The following LRRC4C variants were observed in gnomAD, a reference collection of about 807,000 sequenced individuals.
LRRC4C encodes leucine-rich repeat-containing protein 4C.
LRRC4C carries 5 observed loss-of-function variants against 33.6 expected under a neutral mutation model. That is an observed-to-expected ratio of 0.15 (90% CI 0.08 to 0.31). The LOEUF is 0.31. Ranked by LOEUF, LRRC4C falls within the 10% of genes least tolerant of loss-of-function variation. The pLI is 1.00. For missense variants in LRRC4C, 560 were observed against 796.7 expected, an observed-to-expected ratio of 0.70 and a Z score of 3.58; for synonymous variants, 329 against 302.0, an observed-to-expected ratio of 1.09 and a Z score of -0.93.
At chr11:40,716,976 A>G (rs746748304) in intron 2 of LRRC4C, among the ~76,000 whole-genome samples, 1 of 152,162 alleles carries the variant, frequency 6.6e-6, no homozygotes, top group African/African-American at 2.4e-5. Flanking sequence ...CTGAGAAAGG[A>G]AACATCATGT....
At chr11:40,230,345 A>C (rs899207610) in intron 5 of LRRC4C, among the ~76,000 whole-genome samples, 2 of 152,242 alleles carry the variant, frequency 1.3e-5, no homozygotes, top group Non-Finnish European at 2.9e-5. Flanking sequence ...GCTGCCTAGC[A>C]ACTTGAAAAT....
intron 1 of LRRC4C, among the ~76,000 whole-genome samples, chr11:40,949,978 C>CA (rs1958619637): frequency 6.6e-6 from 1 of 152,106 alleles, no homozygotes; most frequent in East Asian, 1.9e-4. Context: ...ACCCATCTCA[C>CA]ATGCAGAGAC....
chr11:41,332,231 GAAT>G (rs1475830735), intron 1 of LRRC4C, among the ~76,000 whole-genome samples: 1 of 152,148 alleles, frequency 6.6e-6, no homozygotes, highest in Admixed American at 6.5e-5. Context: ...TAAGCTTGAT[GAAT>G]AATTTCAGCA....
intron 1 of LRRC4C, among the ~76,000 whole-genome samples, chr11:40,950,178 G>A (rs866587838): frequency 1.3e-5 from 2 of 151,550 alleles, no homozygotes; most frequent in Non-Finnish European, 2.9e-5. Flanking sequence ...TGACATGAAA[G>A]GAGGTAACCC....
chr11:41,014,729 GT>G (rs917008725), intron 1 of LRRC4C, among the ~76,000 whole-genome samples: 2 of 152,096 alleles, frequency 1.3e-5, no homozygotes, highest in African/African-American at 4.8e-5. Context: ...CCAGGGCAAA[GT>G]GTAAGGTAAA....
intron 5 of LRRC4C, among the ~76,000 whole-genome samples, chr11:40,227,826 T>C (rs2135979779): frequency 6.6e-6 from 1 of 152,320 alleles, no homozygotes; most frequent in Non-Finnish European, 1.5e-5. Flanking sequence ...ACATAGATTG[T>C]TAATTTTTAA....
chr11:41,402,842 A>G (rs1211088152), intron 1 of LRRC4C, among the ~76,000 whole-genome samples: 1 of 152,040 alleles, frequency 6.6e-6, no homozygotes, highest in Admixed American at 6.6e-5. Context: ...ATAATTATTT[A>G]TTTCATTTTT....
At chr11:40,482,726 C>G (rs1159693591) in intron 3 of LRRC4C, among the ~76,000 whole-genome samples, 2 of 152,108 alleles carry the variant, frequency 1.3e-5, no homozygotes, top group East Asian at 3.9e-4. Context: ...CTGCCTTGGT[C>G]TCCCAAAGAG....
chr11:40,197,181 G>A (rs780732551), intron 5 of LRRC4C, among the ~76,000 whole-genome samples: 1 of 152,148 alleles, frequency 6.6e-6, no homozygotes, highest in Non-Finnish European at 1.5e-5. Flanking sequence ...CGTTGTGTAT[G>A]CTGAAGCTTC....
intron 2 of LRRC4C, among the ~76,000 whole-genome samples, chr11:40,825,605 A>C (rs1952127859): frequency 6.6e-6 from 1 of 152,008 alleles, no homozygotes. Context: ...CCTAAAGTGC[A>C]CAAAAGCAGA....
intron 2 of LRRC4C, among the ~76,000 whole-genome samples, chr11:40,828,173 A>ACC (rs1336955336): frequency 1.3e-5 from 2 of 151,016 alleles, no homozygotes; most frequent in Non-Finnish European, 3.0e-5. Flanking sequence ...ACACACACAC[A>ACC]CACACTCAAA....
intron 3 of LRRC4C, among the ~76,000 whole-genome samples, chr11:40,469,052 C>G (rs1952792575): frequency 6.6e-6 from 1 of 152,180 alleles, no homozygotes; most frequent in South Asian, 2.1e-4. Context: ...AAAATAAAGG[C>G]ACTTATGTGT....
intron 3 of LRRC4C, among the ~76,000 whole-genome samples, chr11:40,584,671 C>G (rs372535601): frequency 6.6e-6 from 1 of 152,138 alleles, no homozygotes; most frequent in South Asian, 2.1e-4. Context: ...GTGGCTCATG[C>G]CTGTAATCCC....
intron 2 of LRRC4C, among the ~76,000 whole-genome samples, chr11:40,781,005 C>G (rs1950191189): frequency 6.6e-6 from 1 of 151,992 alleles, no homozygotes; most frequent in Non-Finnish European, 1.5e-5. Context: ...GGGAAATAGG[C>G]AATTTTGTCA....
intron 1 of LRRC4C, among the ~76,000 whole-genome samples, chr11:41,427,400 C>A (rs1469850282): frequency 1.3e-5 from 2 of 151,930 alleles, no homozygotes; most frequent in East Asian, 3.9e-4. Context: ...AAGAGATAGA[C>A]AATAAAAAGT....
At chr11:40,767,208 A>G (rs1433784590) in intron 2 of LRRC4C, among the ~76,000 whole-genome samples, 1 of 152,158 alleles carries the variant, frequency 6.6e-6, no homozygotes, top group African/African-American at 2.4e-5. Flanking sequence ...TTCAAGATTA[A>G]AAACTATAAA....
chr11:40,403,247 G>A (rs546194272), intron 3 of LRRC4C, among the ~76,000 whole-genome samples: 12 of 152,202 alleles, frequency 7.9e-5, no homozygotes, highest in Non-Finnish European at 1.5e-4. Context: ...GAGTGGTTAT[G>A]ATAGCCTGTG....
rs556509078 is a variant in LRRC4C, at chr11:40,950,883, A to AT, written c.-495-17161dup. Among the ~76,000 whole-genome samples, 751 of 144,536 alleles carry AT rather than the reference A, an allele frequency of 5.2e-3. 3 individuals carry two copies. The highest frequency in any genetic ancestry group is 0.016 in the African/African-American group (640 of 39,726). The allele number at this position is 144,536 out of a possible 152,430, so 94.8% of individuals were successfully genotyped here. ...GTATATGTAATTTTCCAACTTGCTTATTTTTTTTTTTTACTAAATATGAAT... is the reference window on the plus strand; with the variant it reads ...GTATATGTAATTTTCCAACTTGCTTATTTTTTTTTTTTTACTAAATATGAAT... On this transcript the variant is annotated intron_variant, in intron 1 of 6. Transcript: ENST00000528697.
intron 3 of LRRC4C, among the ~76,000 whole-genome samples, chr11:40,537,679 C>T (rs950691410): frequency 2.6e-5 from 4 of 152,084 alleles, no homozygotes; most frequent in African/African-American, 9.7e-5. Context: ...TTCAAATAAG[C>T]TGTGGCCAGA....
Sources: gnomAD v4.1 joint callset for allele counts (sites outside exome capture counted in the v4.1 genomes callset) on GRCh38, gnomAD v4.1.1 for gene constraint, MANE v1.5 for transcripts, NCBI Gene and HGNC (gene_info 2026-07-23, HGNC 2026-07-21) for gene names.